Variants in MROH2B observed in about 807,000 individuals in gnomAD.
The protein encoded by MROH2B is maestro heat-like repeat-containing protein family member 2B.
Under a neutral mutation model 208.6 loss-of-function variants are expected in MROH2B, and 177 were observed. The ratio of observed to expected loss-of-function variants is 0.85; its 90% CI spans 0.75 to 0.96. MROH2B has a LOEUF of 0.96. Among genes scored for constraint, MROH2B ranks in the 40% least tolerant of loss-of-function variants. MROH2B has a pLI of 0.00. For synonymous variants in MROH2B, 728 were observed against 659.0 expected (o/e 1.10, Z -1.60); for missense variants, 2,002 against 1,878.7 (o/e 1.07, Z -1.21).
At chr5:41,034,193 T>C (rs1742677852) in intron 21 of MROH2B, 1 of 432,386 alleles carries the variant, frequency 2.3e-6, no homozygotes, top group African/African-American at 2.1e-5. Context: ...GGGTAAAGGC[T>C]CTTAGGGAAA....
At chr5:41,039,360 GTATAA>G (rs1440667650) in intron 20 of MROH2B, 83 bp downstream of exon 20, 6 of 755,080 alleles carry the variant, frequency 7.9e-6, no homozygotes, top group Non-Finnish European at 1.3e-5. Flanking sequence ...ACAGGAGTAA[GTATAA>G]TATAAGAAAG....
At chr5:41,020,948 A>T (rs912234918) in intron 24 of MROH2B, among the ~76,000 whole-genome samples, 6 of 152,218 alleles carry the variant, frequency 3.9e-5, no homozygotes, top group Non-Finnish European at 8.8e-5. Flanking sequence ...TAGCCAGAGC[A>T]ATTAGGCAAG....
intron 28 of MROH2B, among the ~76,000 whole-genome samples, chr5:41,016,188 A>C (rs1741942540): frequency 6.7e-6 from 1 of 149,636 alleles, no homozygotes; most frequent in African/African-American, 2.5e-5. Context: ...CCTCATTTTC[A>C]AAACTGAGAA....
intron 11 of MROH2B, 21 bp from the exon 12 acceptor site, chr5:41,052,608 T>C: frequency 6.3e-7 from 1 of 1,585,098 alleles, no homozygotes; most frequent in South Asian, 1.2e-5. Flanking sequence ...AACAATGCAA[T>C]AGCAACATTT....
rs1230916703 is a variant in MROH2B, at chr5:41,047,779, T to G, written c.1685-15A>C. 6.3e-7 allele frequency: 1 copy of G among 1,575,026 alleles called. No individual in the cohort carries two copies. The highest frequency in any genetic ancestry group is 1.8e-5 in the Admixed American group (1 of 54,764). On this transcript the variant is annotated splice_polypyrimidine_tract_variant and intron_variant, in intron 16 of 41. Coordinates refer to ENST00000399564, the MANE Select transcript of MROH2B (RefSeq NM_173489.5). ...GATGTTCTTTCCTAGAAACAAAAAT[T>G]GATGTAATAATCGCAAAAAAACAAA...
intron 24 of MROH2B, among the ~76,000 whole-genome samples, chr5:41,031,082 A>T (rs1362945256): frequency 6.6e-6 from 1 of 152,094 alleles, no homozygotes; most frequent in Non-Finnish European, 1.5e-5. Flanking sequence ...ACTTAAAGGA[A>T]TGTATTAGCG....
chr5:41,034,452 A>G (rs1388535491), intron 21 of MROH2B, among the ~76,000 whole-genome samples: 1 of 152,084 alleles, frequency 6.6e-6, no homozygotes, highest in Admixed American at 6.6e-5. Flanking sequence ...GCACGTGCAC[A>G]CACCCCATGA....
chr5:41,052,218 A>T (rs1301811185), intron 12 of MROH2B, among the ~76,000 whole-genome samples: 2 of 151,584 alleles, frequency 1.3e-5, no homozygotes, highest in African/African-American at 4.8e-5. Flanking sequence ...AGAAAAAAAA[A>T]AAAAAAGAAC....
chr5:41,055,268 C>A (rs544009395), intron 10 of MROH2B, among the ~76,000 whole-genome samples: 6 of 152,158 alleles, frequency 3.9e-5, no homozygotes, highest in Non-Finnish European at 8.8e-5. Flanking sequence ...ACCATTATTT[C>A]ATATTGCACC....
rs746128186 is a variant in MROH2B at position 41,039,554 on chromosome 5, C to G, written c.1955G>C (p.Gly652Ala). 1.3e-6 allele frequency: 2 copies of G among 1,564,996 alleles called. No individual in the cohort carries two copies. Among genetic ancestry groups the G allele is most frequent in the Non-Finnish European group, 1.7e-6 (2 of 1,149,336 alleles). ...APNQLGDQRQ[G>A]ITSILGYCAE... Reference sequence around the variant, plus strand: ...ACAGTATCCTAAAATAGATGTTATTCCCTAAAATCAGAAAAGGTATGACAT... The same window carrying G: ...ACAGTATCCTAAAATAGATGTTATTGCCTAAAATCAGAAAAGGTATGACAT... Residue 652 changes from glycine (G) to alanine (A), a missense_variant and splice_region_variant, in exon 20 of 42, where the codon GGA becomes GCA. By Grantham distance (60) the Gly-to-Ala change is moderately conservative. Transcript: ENST00000399564.
intron 16 of MROH2B, 149 bp from the exon 17 acceptor site, chr5:41,047,913 T>TC: frequency 1.4e-6 from 1 of 697,714 alleles, no homozygotes. Context: ...TTTACTACAC[T>TC]GGCAACTTTA....
intron 24 of MROH2B, among the ~76,000 whole-genome samples, chr5:41,022,080 T>C (rs1233717443): frequency 6.6e-6 from 1 of 152,164 alleles, no homozygotes; most frequent in Non-Finnish European, 1.5e-5. Flanking sequence ...GGTTCCAAGA[T>C]GGCCGAATAG....
intron 9 of MROH2B, 143 bp from the exon 10 acceptor site, chr5:41,055,998 T>G (rs568027335): frequency 1.6e-6 from 1 of 641,284 alleles, no homozygotes; most frequent in Non-Finnish European, 2.7e-6. Flanking sequence ...CCATGCTTCT[T>G]CAGTATCACA....
chr5:41,057,228 T>C lies in MROH2B; in HGVS notation c.849+40A>G, dbSNP rs757484018. On this transcript the variant is annotated intron_variant, in intron 8 of 41. Transcript: ENST00000399564. ...GTAGATGTTAAACACAGAAAACCGG[T>C]TGAAATTAAAAATTGGAGTTGACAG... The C allele has an allele frequency of 1.1e-5, 18 of 1,611,124 alleles. 1 individual carries two copies. The South Asian group carries it at 1.9e-4, about 17-fold the overall frequency.
At chr5:41,004,580 G>A in intron 36 of MROH2B, 52 bp from the exon 37 acceptor site, 1 of 1,566,854 alleles carries the variant, frequency 6.4e-7, no homozygotes, top group Non-Finnish European at 8.6e-7. Context: ...TGCGTATCTG[G>A]AAGAGGGTAG....
chr5:41,069,568 A>G (rs572644193), intron 2 of MROH2B, 123 bp downstream of exon 2: 59 of 719,638 alleles, frequency 8.2e-5, no homozygotes, highest in Non-Finnish European at 1.3e-4. Flanking sequence ...CATTTACTGA[A>G]AAATCTAATG....
chr5:41,067,916 C>T (rs1223990399), intron 2 of MROH2B, among the ~76,000 whole-genome samples: 13 of 152,186 alleles, frequency 8.5e-5, no homozygotes, highest in Admixed American at 8.5e-4. Context: ...AGGGAACACA[C>T]TGTAACTCCC....
chr5:41,040,033 G>C lies in MROH2B; in HGVS notation c.1954-478C>G, dbSNP rs547396651. On this transcript the variant is annotated intron_variant, in intron 19 of 41. Transcript: ENST00000399564. Reference sequence around the variant, plus strand: ...ACTGAGAGGGCTGAGGGAGCAGTCAGGGAGGAGAGCAGTGCAAAATGAGTC... The same window carrying C: ...ACTGAGAGGGCTGAGGGAGCAGTCACGGAGGAGAGCAGTGCAAAATGAGTC... 2.0e-5 allele frequency among the ~76,000 whole-genome samples: 3 copies of C among 152,292 alleles called. No individual in the cohort carries two copies. The South Asian group carries it at 6.2e-4, about 32-fold the overall frequency.
At position 41,017,980 on chromosome 5, in the gene MROH2B, A is replaced by T; in HGVS notation, c.2764-10T>A. ...TAAAGTTCTCTGGTGCCTGCAGGAT[A>T]AAGGAGGCATCCTATTGTGATGGGG... On this transcript the variant is annotated splice_polypyrimidine_tract_variant and intron_variant, in intron 27 of 41. Transcript: ENST00000399564. 6.4e-7 allele frequency: 1 copy of T among 1,569,818 alleles called. No individual in the cohort carries two copies.
Sources: allele counts gnomAD v4.1 joint callset (sites outside exome capture counted in the v4.1 genomes callset), GRCh38; gene constraint gnomAD v4.1.1; transcripts MANE v1.5; gene names NCBI Gene and HGNC (gene_info 2026-07-23, HGNC 2026-07-21).